KCNH1: variants seen among roughly 807,000 people sequenced by gnomAD.
KCNH1 encodes voltage-gated delayed rectifier potassium channel KCNH1.
KCNH1 carries 27 observed loss-of-function variants against 69.2 expected under a neutral mutation model. The ratio of observed to expected loss-of-function variants is 0.39; its 90% CI spans 0.29 to 0.54. The LOEUF (loss-of-function observed/expected upper bound fraction) is 0.54. Among genes scored for constraint, KCNH1 ranks in the 20% least tolerant of loss-of-function variants. KCNH1 has a pLI of 0.68. For missense variants in KCNH1, 798 were observed against 1,261.6 expected, an observed-to-expected ratio of 0.63 and a Z score of 5.57; for synonymous variants, 456 against 487.7, an observed-to-expected ratio of 0.93 and a Z score of 0.86.
At chr1:211,011,957 T>C (rs567568646) in intron 6 of KCNH1, among the ~76,000 whole-genome samples, 1 of 152,314 alleles carries the variant, frequency 6.6e-6, no homozygotes, top group African/African-American at 2.4e-5. Flanking sequence ...CAAACATCAC[T>C]GAAAACAGAC....
chr1:210,690,898 G>A (rs1040102199), intron 10 of KCNH1, among the ~76,000 whole-genome samples: 5 of 152,092 alleles, frequency 3.3e-5, no homozygotes, highest in African/African-American at 1.2e-4. Flanking sequence ...CACAGTGTAA[G>A]CACAAAGTGC....
intron 6 of KCNH1, among the ~76,000 whole-genome samples, chr1:211,012,524 G>C (rs1455792609): frequency 6.6e-6 from 1 of 152,162 alleles, no homozygotes; most frequent in Non-Finnish European, 1.5e-5. Flanking sequence ...CTAAGTGAAA[G>C]AAACCAATCT....
intron 10 of KCNH1, among the ~76,000 whole-genome samples, chr1:210,708,249 A>G (rs1243328202): frequency 2.0e-5 from 3 of 151,966 alleles, no homozygotes; most frequent in South Asian, 2.1e-4. Context: ...GACTTTCTCT[A>G]TTGCAAAGGA....
intron 10 of KCNH1, among the ~76,000 whole-genome samples, chr1:210,720,125 G>A (rs1471129305): frequency 6.6e-6 from 1 of 152,206 alleles, no homozygotes; most frequent in Non-Finnish European, 1.5e-5. Context: ...ACAGCAGAAT[G>A]CAAACTGCTG....
At chr1:210,741,396 C>A (rs903776095) in intron 10 of KCNH1, among the ~76,000 whole-genome samples, 1 of 152,108 alleles carries the variant, frequency 6.6e-6, no homozygotes, top group Admixed American at 6.5e-5. Flanking sequence ...CAGGCCAAAC[C>A]ATTCCTCCGT....
At chr1:210,757,771 C>T (rs12022312) in intron 10 of KCNH1, among the ~76,000 whole-genome samples, 60,133 of 152,182 alleles carry the variant, frequency 0.4, 12,373 homozygotes, top group East Asian at 0.71. Flanking sequence ...ATTATGCAAA[C>T]TCATTTGCAT....
intron 7 of KCNH1, among the ~76,000 whole-genome samples, chr1:210,821,496 C>G (rs1684928010): frequency 6.6e-6 from 1 of 152,104 alleles, no homozygotes; most frequent in Admixed American, 6.6e-5. Context: ...CTAGACCTCA[C>G]CATGTATCAC....
chr1:210,770,220 G>T (rs1408436226), intron 10 of KCNH1, among the ~76,000 whole-genome samples: 1 of 152,138 alleles, frequency 6.6e-6, no homozygotes, highest in Non-Finnish European at 1.5e-5. Context: ...GGGGGGTCAA[G>T]GGGAGAGAGA....
intron 7 of KCNH1, among the ~76,000 whole-genome samples, chr1:210,805,317 T>C (rs1684528121): frequency 6.6e-6 from 1 of 152,310 alleles, no homozygotes; most frequent in South Asian, 2.1e-4. Flanking sequence ...TATTGATATA[T>C]AATAAACTGC....
chr1:210,705,549 G>T (rs1292764558), intron 10 of KCNH1, among the ~76,000 whole-genome samples: 2 of 152,188 alleles, frequency 1.3e-5, no homozygotes, highest in African/African-American at 2.4e-5. Context: ...CCCAGAGGTA[G>T]AACCCATTTG....
At position 210,709,742 on chromosome 1, in the gene KCNH1, AAGAGAGAGAG is replaced by A. The variant is rs35326611; in HGVS notation, c.2113-25614_2113-25605del. Among the ~76,000 whole-genome samples, 470 of 145,022 alleles carry A rather than the reference AAGAGAGAGAG, an allele frequency of 3.2e-3. 5 individuals carry two copies. The highest frequency in any genetic ancestry group is 0.012 in the African/African-American group (448 of 37,588). On this transcript the variant is annotated intron_variant, in intron 10 of 10. Coordinates refer to ENST00000271751, the MANE Select transcript of KCNH1 (RefSeq NM_172362.3). ...GAAAGAAGAGAGAGAGAGAGAGAGA[AAGAGAGAGAG>A]AGAGAGAGAGAGAAATGATAGCTCT...
intron 7 of KCNH1, among the ~76,000 whole-genome samples, chr1:210,901,773 G>A (rs1458979520): frequency 6.6e-6 from 1 of 152,202 alleles, no homozygotes; most frequent in Non-Finnish European, 1.5e-5. Context: ...TGTTGATCTT[G>A]AGAAAGAGAA....
chr1:210,893,812 T>G (rs1686801295), intron 7 of KCNH1, among the ~76,000 whole-genome samples: 1 of 152,118 alleles, frequency 6.6e-6, no homozygotes, highest in Admixed American at 6.6e-5. Context: ...GTATTTTATT[T>G]GGATAGTGCA....
At chr1:211,017,366 G>C (rs541055405) in intron 6 of KCNH1, among the ~76,000 whole-genome samples, 1 of 152,122 alleles carries the variant, frequency 6.6e-6, no homozygotes, top group South Asian at 2.1e-4. Context: ...TCCTTTCAAC[G>C]TTCTCAAGCC....
rs1553380350 is a variant in KCNH1 at position 211,107,395 on chromosome 1, A to AAAC, written c.80-19_80-18insGTT. The AAAC allele has an allele frequency of 4.4e-5, 65 of 1,494,134 alleles. No homozygotes were observed. Among genetic ancestry groups the AAAC allele is most frequent in the South Asian group, 1.2e-4 (10 of 84,476 alleles). 92.6% of individuals were successfully genotyped at this position (1,494,134 alleles called of 1,614,324 possible). A position where few individuals can be genotyped will look rare whatever the true frequency, so the allele number is the denominator to read the frequency against. Reference sequence around the variant, plus strand: ...ATTAGTATCTGTTAAAAAAAAAAAAAAGGGAAAAAAGGGCACATGAGGCAA... The same window carrying AAAC: ...ATTAGTATCTGTTAAAAAAAAAAAAAAACAGGGAAAAAAGGGCACATGAGGCAA... On this transcript the variant is annotated intron_variant, in intron 1 of 10. Transcript: ENST00000271751.
At chr1:210,895,178 G>A (rs1686839084) in intron 7 of KCNH1, among the ~76,000 whole-genome samples, 1 of 149,334 alleles carries the variant, frequency 6.7e-6, no homozygotes, top group Admixed American at 6.6e-5. Flanking sequence ...TTTTTTTCAG[G>A]CAAGAGGGTA....
chr1:210,919,557 G>T lies in KCNH1; in HGVS notation c.1462+83C>A. 8.1e-7 allele frequency: 1 copy of T among 1,236,374 alleles called. No homozygotes were observed. The highest frequency in any genetic ancestry group is 1.2e-6 in the Non-Finnish European group (1 of 866,956). 76.6% of individuals were successfully genotyped at this position (1,236,374 alleles called of 1,614,324 possible). ...CCTTGTTTTAAGTTATTATTCTCCT[G>T]ATCCTGCTGGCACTGTAGCCATTTC... On this transcript the variant is annotated intron_variant, in intron 7 of 10. Transcript: ENST00000271751. This position sits in a 1 kb window ranked among gnomAD's most constrained non-coding sequence, Gnocchi z 4.2.
Position 210,683,593 on chromosome 1 carries a change from C to T in KCNH1, c.2658G>A (p.Lys886=). The change falls in exon 11 of 11, where the codon AAG becomes AAA. Residue 886 remains lysine, a synonymous_variant. Transcript: ENST00000271751. This position sits in a 1 kb window ranked among gnomAD's most constrained non-coding sequence, Gnocchi z 5.7. ...CCACGTTGTCCAGGCGCAAGTCGCT[C>T]TTGGTGATGCCACTGTCACACGAGT... ...KTDSCDSGIT[K]SDLRLDNVGE... 1 of 1,614,192 alleles carries T rather than the reference C, an allele frequency of 6.2e-7. No individual in the cohort carries two copies. The highest frequency in any genetic ancestry group is 8.5e-7 in the Non-Finnish European group (1 of 1,180,036).
chr1:210,754,968 A>G (rs975306086), intron 10 of KCNH1, among the ~76,000 whole-genome samples: 2 of 152,108 alleles, frequency 1.3e-5, no homozygotes, highest in East Asian at 3.9e-4. Flanking sequence ...ACTTCCAGCC[A>G]TGGGTGTGGG....
Sources: allele counts gnomAD v4.1 joint callset (sites outside exome capture counted in the v4.1 genomes callset), GRCh38; gene constraint gnomAD v4.1.1; non-coding constraint Gnocchi (gnomAD v3.1); transcripts MANE v1.5; gene names NCBI Gene and HGNC (gene_info 2026-07-23, HGNC 2026-07-21).